The following ARMH4 variants were observed in gnomAD, a reference collection of about 807,000 sequenced individuals.
The protein encoded by ARMH4 is armadillo like helical domain containing 4.
Under a neutral mutation model 61.9 loss-of-function variants are expected in ARMH4, and 49 were observed. The observed-to-expected ratio is 0.79, with a 90% CI of 0.63 to 1.00. ARMH4 has a LOEUF of 1.00. ARMH4 is among the 50% of genes least tolerant of loss of function. The pLI is 0.00. For synonymous variants in ARMH4, 368 were observed against 341.5 expected (o/e 1.08, Z -0.85); for missense variants, 934 against 930.0 (o/e 1.00, Z -0.06).
chr14:58,088,550 C>A (rs971275193), intron 5 of ARMH4, among the ~76,000 whole-genome samples: 2 of 151,932 alleles, frequency 1.3e-5, no homozygotes, highest in African/African-American at 4.8e-5. Flanking sequence ...AATGGCATTA[C>A]TCTCTAATTC....
intron 4 of ARMH4, among the ~76,000 whole-genome samples, chr14:58,122,520 C>A (rs184746207): frequency 2.6e-5 from 4 of 152,256 alleles, no homozygotes; most frequent in African/African-American, 9.6e-5. Flanking sequence ...CTTCAAAAGT[C>A]CACCTTAGGC....
intron 1 of ARMH4, among the ~76,000 whole-genome samples, chr14:58,150,075 C>T (rs1444815689): frequency 6.6e-6 from 1 of 152,204 alleles, no homozygotes; most frequent in Non-Finnish European, 1.5e-5. Context: ...GATCAACAAA[C>T]TCTTCTCCAT....
At chr14:58,099,553 G>T (rs768171275) in intron 4 of ARMH4, among the ~76,000 whole-genome samples, 2 of 151,852 alleles carry the variant, frequency 1.3e-5, no homozygotes, top group African/African-American at 2.4e-5. Flanking sequence ...AGGTTGGAGT[G>T]GTTCAAAAAA....
chr14:58,006,420 G>A (rs2141124733), intron 6 of ARMH4, among the ~76,000 whole-genome samples: 1 of 152,292 alleles, frequency 6.6e-6, no homozygotes, highest in Admixed American at 6.5e-5. Context: ...TCCTGAAAGT[G>A]CTGAAGTATG....
chr14:58,072,559 C>A (rs1884915395), intron 5 of ARMH4, among the ~76,000 whole-genome samples: 1 of 151,732 alleles, frequency 6.6e-6, no homozygotes, highest in South Asian at 2.1e-4. Flanking sequence ...TCTCTACTAA[C>A]AACACAAAAA....
intron 1 of ARMH4, among the ~76,000 whole-genome samples, chr14:58,146,348 C>T (rs974833603): frequency 1.3e-5 from 2 of 152,204 alleles, no homozygotes; most frequent in Non-Finnish European, 2.9e-5. Context: ...CCTCCCACTG[C>T]GTATTTGGAT....
At chr14:58,044,624 T>A (rs1205760768) in intron 5 of ARMH4, among the ~76,000 whole-genome samples, 28 of 152,218 alleles carry the variant, frequency 1.8e-4, no homozygotes, top group East Asian at 3.9e-4. Flanking sequence ...TGGGATCTAA[T>A]TAAACTAAAG....
chr14:58,029,499 G>A (rs949654219), intron 5 of ARMH4, among the ~76,000 whole-genome samples: 1 of 152,142 alleles, frequency 6.6e-6, no homozygotes, highest in Non-Finnish European at 1.5e-5. Flanking sequence ...CTCCCAAAGT[G>A]CTGGGATTAC....
At chr14:58,115,674 G>A (rs1886494035) in intron 4 of ARMH4, among the ~76,000 whole-genome samples, 1 of 152,162 alleles carries the variant, frequency 6.6e-6, no homozygotes, top group South Asian at 2.1e-4. Flanking sequence ...CAACGAAGAT[G>A]CCCAACAATG....
At chr14:58,066,716 A>G (rs1051125393) in intron 5 of ARMH4, among the ~76,000 whole-genome samples, 1 of 152,238 alleles carries the variant, frequency 6.6e-6, no homozygotes, top group African/African-American at 2.4e-5. Context: ...GGAAAAACCA[A>G]AAACAGCTGT....
At chr14:58,021,982 T>C (rs1566543631) in intron 5 of ARMH4, among the ~76,000 whole-genome samples, 1 of 152,180 alleles carries the variant, frequency 6.6e-6, no homozygotes, top group South Asian at 2.1e-4. Flanking sequence ...AAAGCTACTA[T>C]AACAATACCA....
intron 5 of ARMH4, among the ~76,000 whole-genome samples, chr14:58,029,924 C>T (rs181358874): frequency 6.6e-6 from 1 of 152,102 alleles, no homozygotes; most frequent in Admixed American, 6.5e-5. Flanking sequence ...AGCAACACTA[C>T]CCACAGCAGC....
At position 58,151,665 on chromosome 14, in the gene ARMH4, C is replaced by A. The variant is rs563058379; in HGVS notation, c.-57+410G>T. On this transcript the variant is annotated intron_variant, in intron 1 of 7. Transcript: ENST00000267485. ...GATCGACGGTTTGAAAGGAGTAAAC[C>A]GTTGTTTTCGGGAACTTCTCTCTCA... 2.0e-5 allele frequency among the ~76,000 whole-genome samples: 3 copies of A among 152,340 alleles called. No homozygotes were observed. In the South Asian group the frequency reaches 6.2e-4, roughly 32 times the overall value.
chr14:58,011,659 A>G (rs1214502026), intron 6 of ARMH4, among the ~76,000 whole-genome samples: 1 of 152,160 alleles, frequency 6.6e-6, no homozygotes, highest in Non-Finnish European at 1.5e-5. Context: ...TAATGCAAAA[A>G]AAGAAAATCT....
chr14:58,081,957 C>A (rs971426862), intron 5 of ARMH4, among the ~76,000 whole-genome samples: 3 of 150,772 alleles, frequency 2.0e-5, no homozygotes, highest in African/African-American at 7.3e-5. Context: ...AAAAAAAAAA[C>A]CTTAGATGCT....
At chr14:58,072,483 C>T (rs958919132) in intron 5 of ARMH4, among the ~76,000 whole-genome samples, 1 of 152,010 alleles carries the variant, frequency 6.6e-6, no homozygotes, top group East Asian at 1.9e-4. Context: ...CTTTTGGAGG[C>T]GGAGGTGGGT....
intron 4 of ARMH4, among the ~76,000 whole-genome samples, chr14:58,108,703 CA>C (rs1316035219): frequency 1.3e-5 from 2 of 152,114 alleles, no homozygotes; most frequent in African/African-American, 2.4e-5. Flanking sequence ...GCTGCTTGAA[CA>C]CTCATAAATG....
rs919788423 is a variant in ARMH4 at position 58,152,160 on chromosome 14, GGCGGCGGCGGTA to G, written c.-154_-143del. 1.2e-5 allele frequency: 2 copies of G among 161,356 alleles called. No individual in the cohort carries two copies. Among genetic ancestry groups the G allele is most frequent in the East Asian group, 1.8e-4 (1 of 5,416 alleles). The allele number at this position is 161,356 out of a possible 1,614,324, so 10.0% of individuals were successfully genotyped here. A position where few individuals can be genotyped will look rare whatever the true frequency, so the allele number is the denominator to read the frequency against. On this transcript the variant is annotated 5_prime_UTR_variant, in exon 1 of 8. Transcript: ENST00000267485. ...GCATCCCAGCGGCGGGCCCTGCGGCGGCGGCGGCGGTAGCGGCGGCGACTCCCTCCGCTGTCT... is the reference window on the plus strand; with the variant it reads ...GCATCCCAGCGGCGGGCCCTGCGGCGGCGGCGGCGACTCCCTCCGCTGTCT...
At chr14:58,090,920 A>G (rs1885538718) in intron 5 of ARMH4, among the ~76,000 whole-genome samples, 1 of 150,864 alleles carries the variant, frequency 6.6e-6, no homozygotes, top group African/African-American at 2.4e-5. Flanking sequence ...GAAAAAAAAG[A>G]AAGAAGCACA....
Sources: allele counts gnomAD v4.1 joint callset (sites outside exome capture counted in the v4.1 genomes callset), GRCh38; gene constraint gnomAD v4.1.1; transcripts MANE v1.5; gene names NCBI Gene and HGNC (gene_info 2026-07-23, HGNC 2026-07-21).